PLCB1: variants seen among roughly 807,000 people sequenced by gnomAD.
PLCB1 encodes the protein phospholipase C beta 1.
Under a neutral mutation model 161.8 loss-of-function variants are expected in PLCB1, and 46 were observed. The observed-to-expected ratio is 0.28, with a 90% CI of 0.22 to 0.36. The LOEUF (loss-of-function observed/expected upper bound fraction) is 0.36, where lower values mean the gene tolerates loss of function less well. Among genes scored for constraint, PLCB1 ranks in the 10% least tolerant of loss-of-function variants. PLCB1 has a pLI of 1.00. For synonymous variants in PLCB1, 517 were observed against 503.7 expected (o/e 1.03, Z -0.35); for missense variants, 1,016 against 1,472.5 (o/e 0.69, Z 5.07).
intron 3 of PLCB1, 45 bp from the exon 4 acceptor site, chr20:8,628,249 G>T: frequency 6.9e-7 from 1 of 1,443,232 alleles, no homozygotes; most frequent in East Asian, 2.3e-5. Context: ...TATCACGTTG[G>T]AATCTCTAGT....
chr20:8,729,019 A>G, intron 17 of PLCB1, 31 bp from the exon 18 acceptor site: 2 of 1,449,426 alleles, frequency 1.4e-6, no homozygotes, highest in Non-Finnish European at 9.3e-7. Context: ...TATTTTTATA[A>G]TTGTATTCAC....
intron 2 of PLCB1, among the ~76,000 whole-genome samples, chr20:8,170,814 G>A (rs535055971): frequency 4.6e-5 from 7 of 152,252 alleles, no homozygotes; most frequent in Non-Finnish European, 7.4e-5. Flanking sequence ...AAACACAGGC[G>A]GTTTCTCATA....
rs768876570 is a variant in PLCB1 at position 8,774,594 on chromosome 20, G to A, written c.2986G>A (p.Ala996Thr). ...GSSTIEQDLA[A>T]LDAEMTQKLI... ...ATCAACGATTGAGCAAGACCTCGCT[G>A]CTCTGGATGCTGAAATGACCCAAAA... is the stretch of plus-strand genomic sequence containing the variant. The change falls in exon 27 of 32, where the codon GCT becomes ACT. Residue 996 changes from alanine to threonine, a missense_variant. Transcript: ENST00000338037. 1.2e-6 allele frequency: 2 copies of A among 1,613,900 alleles called. No homozygotes were observed. Among genetic ancestry groups the A allele is most frequent in the Non-Finnish European group, 1.7e-6 (2 of 1,179,850 alleles).
chr20:8,697,851 T>G, intron 11 of PLCB1, 68 bp downstream of exon 11: 1 of 1,442,500 alleles, frequency 6.9e-7, no homozygotes, highest in Non-Finnish European at 9.6e-7. Context: ...TAAAGCCTCC[T>G]AAGGTAGAAA....
chr20:8,409,436 ATATTATTTT>A (rs1413365913), intron 3 of PLCB1, among the ~76,000 whole-genome samples: 3 of 111,638 alleles, frequency 2.7e-5, no homozygotes, highest in Non-Finnish European at 4.1e-5. Context: ...TATGGAATGT[ATATTATTTT>A]TATTATTATT....
chr20:8,403,923 C>A (rs1240191872), intron 3 of PLCB1, among the ~76,000 whole-genome samples: 3 of 152,098 alleles, frequency 2.0e-5, no homozygotes, highest in Non-Finnish European at 4.4e-5. Context: ...GAAACTAGGA[C>A]CATTTCTTTC....
chr20:8,461,253 A>G (rs1172592509), intron 3 of PLCB1, among the ~76,000 whole-genome samples: 1 of 152,184 alleles, frequency 6.6e-6, no homozygotes, highest in Non-Finnish European at 1.5e-5. Flanking sequence ...TGCATAGTAA[A>G]TGACATTCCT....
At chr20:8,791,634 T>A (rs1222289683) in intron 31 of PLCB1, among the ~76,000 whole-genome samples, 1 of 151,790 alleles carries the variant, frequency 6.6e-6, no homozygotes, top group East Asian at 1.9e-4. Context: ...CTTTTCAGAG[T>A]TTCATTTTGC....
intron 3 of PLCB1, among the ~76,000 whole-genome samples, chr20:8,376,547 T>C (rs1444548145): frequency 1.3e-5 from 2 of 152,154 alleles, no homozygotes; most frequent in Non-Finnish European, 2.9e-5. Context: ...AAAACAGCAA[T>C]GAACAAAAAG....
intron 3 of PLCB1, among the ~76,000 whole-genome samples, chr20:8,466,251 G>A (rs1232719): frequency 5.3e-5 from 8 of 149,816 alleles, no homozygotes; most frequent in East Asian, 2.0e-4. Context: ...ACATATTCTC[G>A]CTCATAGGTG....
chr20:8,693,897 G>A (rs1246157304), intron 10 of PLCB1, among the ~76,000 whole-genome samples: 3 of 152,150 alleles, frequency 2.0e-5, no homozygotes. Context: ...CTCTGAGAAG[G>A]AGCTTCAGCT....
intron 2 of PLCB1, among the ~76,000 whole-genome samples, chr20:8,318,249 T>C (rs1186506016): frequency 6.6e-6 from 1 of 152,182 alleles, no homozygotes; most frequent in Admixed American, 6.5e-5. Context: ...AAGTCAGAGA[T>C]ATGTATTTTC....
chr20:8,275,630 G>A (rs1982501766), intron 2 of PLCB1, among the ~76,000 whole-genome samples: 1 of 152,078 alleles, frequency 6.6e-6, no homozygotes, highest in Admixed American at 6.5e-5. Flanking sequence ...GTATGTTCTT[G>A]TTTTATTTTG....
chr20:8,410,653 T>C (rs1272207010), intron 3 of PLCB1, among the ~76,000 whole-genome samples: 3 of 152,196 alleles, frequency 2.0e-5, no homozygotes, highest in Admixed American at 2.0e-4. Flanking sequence ...TAATTTGTAA[T>C]TTTTAATTGT....
rs1370457121 is a variant in PLCB1 at position 8,821,533 on chromosome 20, A to G, written c.3423+31272A>G. Among the ~76,000 whole-genome samples, 43 of 102,926 alleles carry G rather than the reference A, an allele frequency of 4.2e-4. 2 individuals carry two copies. Among genetic ancestry groups the G allele is most frequent in the African/African-American group, 2.3e-3 (34 of 15,070 alleles). 67.5% of individuals were successfully genotyped at this position (102,926 alleles called of 152,430 possible). A position where few individuals can be genotyped will look rare whatever the true frequency, so the allele number is the denominator to read the frequency against. On this transcript the variant is annotated intron_variant, in intron 31 of 31. Coordinates refer to ENST00000338037, the MANE Select transcript of PLCB1 (RefSeq NM_015192.4). ...TATATATATATATATATATATATAT[A>G]TATATATATATATATATATATATAT...
intron 3 of PLCB1, among the ~76,000 whole-genome samples, chr20:8,530,671 A>C (rs1427884880): frequency 6.6e-6 from 1 of 152,124 alleles, no homozygotes; most frequent in Non-Finnish European, 1.5e-5. Flanking sequence ...CTCAATCAAA[A>C]TAGTACATTG....
intron 3 of PLCB1, among the ~76,000 whole-genome samples, chr20:8,397,622 A>C: frequency 6.6e-6 from 1 of 152,094 alleles, no homozygotes; most frequent in East Asian, 1.9e-4. Flanking sequence ...ATCTCATTTA[A>C]TAAAAAGTCC....
At chr20:8,511,336 A>G (rs1983883636) in intron 3 of PLCB1, among the ~76,000 whole-genome samples, 1 of 152,202 alleles carries the variant, frequency 6.6e-6, no homozygotes. Flanking sequence ...AACAGTGTAT[A>G]TATACATACA....
intron 4 of PLCB1, among the ~76,000 whole-genome samples, chr20:8,635,299 GAAAGGA>G (rs563544029): frequency 6.0e-4 from 92 of 152,224 alleles, no homozygotes; most frequent in East Asian, 5.2e-3. Flanking sequence ...AAGGAGAAGG[GAAAGGA>G]AAAGGAAAAG....
Sources: gnomAD v4.1 joint callset for allele counts (sites outside exome capture counted in the v4.1 genomes callset) on GRCh38, gnomAD v4.1.1 for gene constraint, MANE v1.5 for transcripts, NCBI Gene and HGNC (gene_info 2026-07-23, HGNC 2026-07-21) for gene names.